Variants in MAD1L1 observed in about 807,000 individuals in gnomAD.
MAD1L1 encodes the protein mitotic spindle assembly checkpoint protein MAD1.
MAD1L1 carries 95 observed loss-of-function variants against 96.9 expected under a neutral mutation model. That is an observed-to-expected ratio of 0.98 (90% CI 0.83 to 1.16). MAD1L1 has a LOEUF of 1.16. Ranked by LOEUF, MAD1L1 falls within the 50% of genes most tolerant of loss-of-function variation. MAD1L1 has a pLI of 0.00. For synonymous variants in MAD1L1, 473 were observed against 396.6 expected (o/e 1.19, Z -2.29); for missense variants, 1,007 against 954.4 (o/e 1.06, Z -0.73).
intron 11 of MAD1L1, chr7:2,080,118 G>GGTTAGGGTT: frequency 5.2e-6 from 1 of 193,014 alleles, no homozygotes; most frequent in South Asian, 9.2e-5. Flanking sequence ...GGCCAGCCTC[G>GGTTAGGGTT]AGGCTGGGGG....
At chr7:1,843,785 G>A (rs563736741) in intron 18 of MAD1L1, among the ~76,000 whole-genome samples, 55 of 152,288 alleles carry the variant, frequency 3.6e-4, no homozygotes, top group African/African-American at 1.2e-3. Flanking sequence ...GGCAGGCCAC[G>A]TGGAGGCGAA....
rs1778618084 is a variant in MAD1L1, at chr7:1,936,620, A to G, written c.1807+67T>C. ...GCAGGGGCGCCTGAGGCTGCCCCAA[A>G]GGCGCACGGATGGACCTACCCACGG... is the stretch of plus-strand genomic sequence containing the variant. On this transcript the variant is annotated intron_variant, in intron 17 of 18. Transcript: ENST00000265854. 1.0e-5 allele frequency: 15 copies of G among 1,467,386 alleles called. No individual in the cohort carries two copies. In the South Asian group the frequency reaches 1.9e-4, roughly 18 times the overall value. 90.9% of individuals were successfully genotyped at this position (1,467,386 alleles called of 1,614,324 possible).
chr7:2,118,774 A>C (rs1416128006), intron 11 of MAD1L1, among the ~76,000 whole-genome samples: 1 of 152,174 alleles, frequency 6.6e-6, no homozygotes, highest in African/African-American at 2.4e-5. Context: ...CCACCAGCTA[A>C]GCACATCCCT....
chr7:2,186,713 G>A lies in MAD1L1; in HGVS notation c.986+26499C>T, dbSNP rs149508096. Among the ~76,000 whole-genome samples the A allele has an allele frequency of 1.9e-3, 295 of 152,240 alleles. 2 individuals are homozygous for A. Among genetic ancestry groups the A allele is most frequent in the African/African-American group, 6.7e-3 (279 of 41,538 alleles). ...CTCTTCTCGCCTTGAGGGACTAAGC[G>A]CTAGGACAACAGTTCACTAAGTGTG... On this transcript the variant is annotated intron_variant, in intron 10 of 18. Coordinates refer to ENST00000265854, the MANE Select transcript of MAD1L1 (RefSeq NM_001013836.2).
intron 12 of MAD1L1, among the ~76,000 whole-genome samples, chr7:2,053,211 A>G (rs1393953229): frequency 6.6e-6 from 1 of 152,190 alleles, no homozygotes; most frequent in African/African-American, 2.4e-5. Flanking sequence ...GGGATCTGCT[A>G]CCTGGTAGCA....
intron 12 of MAD1L1, among the ~76,000 whole-genome samples, chr7:2,018,093 C>T (rs528047837): frequency 3.3e-5 from 5 of 152,260 alleles, no homozygotes; most frequent in East Asian, 1.9e-4. Flanking sequence ...GGGCAGAGAC[C>T]GGCCCCGTGG....
chr7:1,952,579 A>AGAG (rs10623140), intron 16 of MAD1L1, among the ~76,000 whole-genome samples: 130,878 of 152,058 alleles, frequency 0.86, 57,638 homozygotes, highest in Non-Finnish European at 0.96. Context: ...CGCCTGGCAC[A>AGAG]GAGGTGCGTG....
intron 16 of MAD1L1, among the ~76,000 whole-genome samples, chr7:1,951,005 C>T (rs1445869129): frequency 6.6e-6 from 1 of 152,232 alleles, no homozygotes; most frequent in Non-Finnish European, 1.5e-5. Flanking sequence ...AGGCGGGGGA[C>T]CAGCACTGTC....
Position 2,015,453 on chromosome 7 carries a change from G to C in MAD1L1, c.1219-811C>G, listed in dbSNP as rs184475734. ...CTGCTCAGTTGTGTCCTGCCAGCCA[G>C]TCAGGGGCCCCGGGAGCTGTGTGCT... On this transcript the variant is annotated intron_variant, in intron 12 of 18. Transcript: ENST00000265854. Among the ~76,000 whole-genome samples the C allele has an allele frequency of 7.9e-3, 1,206 of 152,352 alleles. 12 individuals carry two copies. Among genetic ancestry groups the C allele is most frequent in the Non-Finnish European group, 9.8e-3 (666 of 68,028 alleles).
chr7:2,098,835 A>G (rs1405503350), intron 11 of MAD1L1, among the ~76,000 whole-genome samples: 1 of 152,242 alleles, frequency 6.6e-6, no homozygotes, highest in Non-Finnish European at 1.5e-5. Context: ...GGTGGGCCCA[A>G]GGGGAAATGG....
chr7:1,971,616 A>C (rs1384728416), intron 15 of MAD1L1, among the ~76,000 whole-genome samples: 1 of 152,194 alleles, frequency 6.6e-6, no homozygotes, highest in East Asian at 1.9e-4. Context: ...CGTGCACTTA[A>C]GTGTAATCTC....
intron 13 of MAD1L1, among the ~76,000 whole-genome samples, chr7:2,008,278 T>C (rs986998847): frequency 3.9e-5 from 6 of 152,120 alleles, no homozygotes; most frequent in Non-Finnish European, 7.4e-5. Context: ...CTGGTCTCGG[T>C]AGGGTTCCTC....
rs144371683 is a variant in MAD1L1, at chr7:1,899,408, T to C, written c.1808-1018A>G. ...GCTCCAGGCGGGGACGGGAGCCTGC[T>C]GGACCCTATCCTGCAGGCCACGGGA... On this transcript the variant is annotated intron_variant, in intron 17 of 18. Transcript: ENST00000265854. Among the ~76,000 whole-genome samples, 38 of 152,282 alleles carry C rather than the reference T, an allele frequency of 2.5e-4. No homozygotes were observed. In the East Asian group the frequency reaches 7.4e-3, roughly 29 times the overall value.
At chr7:2,174,422 C>T (rs1023166385) in intron 10 of MAD1L1, among the ~76,000 whole-genome samples, 2 of 152,152 alleles carry the variant, frequency 1.3e-5, no homozygotes, top group East Asian at 1.9e-4. Flanking sequence ...TGATCACAGA[C>T]GTTCATCCAC....
chr7:2,131,309 C>T (rs142495184), intron 11 of MAD1L1, among the ~76,000 whole-genome samples: 1 of 152,324 alleles, frequency 6.6e-6, no homozygotes, highest in East Asian at 1.9e-4. Context: ...ATCCCCCTCA[C>T]TTCTCCACCT....
rs575392522 is a variant in MAD1L1 at position 1,909,632 on chromosome 7, G to A, written c.1808-11242C>T. Among the ~76,000 whole-genome samples, 23 of 152,292 alleles carry A rather than the reference G, an allele frequency of 1.5e-4. No homozygotes were observed. The South Asian group carries it at 4.6e-3, about 30-fold the overall frequency. On this transcript the variant is annotated intron_variant, in intron 17 of 18. Coordinates refer to ENST00000265854, the MANE Select transcript of MAD1L1 (RefSeq NM_001013836.2). ...ACAGCGCCCCACCTGGCTCATCCCA[G>A]GGGCTGCCGGCCCCAAATCCAAATT...
intron 18 of MAD1L1, among the ~76,000 whole-genome samples, chr7:1,859,366 T>C (rs934059965): frequency 6.6e-6 from 1 of 152,214 alleles, no homozygotes; most frequent in Non-Finnish European, 1.5e-5. Context: ...CATCTCCCCG[T>C]TGATTCCAAC....
Position 2,004,684 on chromosome 7 carries a change from C to T in MAD1L1, c.1360-2563G>A, listed in dbSNP as rs1040375909. ...AGCCTTCACAGCCTCCGGCGCCACG[C>T]GGGCAGGCTGCAGGCATTTTCCGAA... On this transcript the variant is annotated intron_variant, in intron 13 of 18. Coordinates refer to ENST00000265854, the MANE Select transcript of MAD1L1 (RefSeq NM_001013836.2). 3.9e-5 allele frequency among the ~76,000 whole-genome samples: 6 copies of T among 152,220 alleles called. No homozygotes were observed. In the South Asian group the frequency reaches 6.2e-4, roughly 16 times the overall value.
chr7:2,014,716 G>A, intron 12 of MAD1L1, 74 bp from the exon 13 acceptor site: 1 of 1,483,254 alleles, frequency 6.7e-7, no homozygotes, highest in Non-Finnish European at 9.0e-7. Flanking sequence ...CTCAGGGAAG[G>A]CCCCACGAGA....
Sources: allele counts gnomAD v4.1 joint callset (sites outside exome capture counted in the v4.1 genomes callset), GRCh38; gene constraint gnomAD v4.1.1; transcripts MANE v1.5; gene names NCBI Gene and HGNC (gene_info 2026-07-23, HGNC 2026-07-21).